The following NXPE4 variants were observed in gnomAD, a reference collection of about 807,000 sequenced individuals.
NXPE4 encodes the protein NXPE family member 4.
A neutral mutation model predicts 33.3 loss-of-function variants in NXPE4; 42 were observed. That is an observed-to-expected ratio of 1.26 (90% CI 0.98 to 1.63). The LOEUF (loss-of-function observed/expected upper bound fraction) is 1.63, where lower values mean the gene tolerates loss of function less well. Ranked by LOEUF, NXPE4 falls within the 40% of genes most tolerant of loss-of-function variation. NXPE4 has a pLI of 0.00. For missense variants in NXPE4, 709 were observed against 647.6 expected, an observed-to-expected ratio of 1.09 and a Z score of -1.03; for synonymous variants, 253 against 234.9, an observed-to-expected ratio of 1.08 and a Z score of -0.71.
the NXPE4 span, among the ~76,000 whole-genome samples, chr11:114,656,144 CAG>C: frequency 6.6e-6 from 1 of 152,022 alleles, no homozygotes. Flanking sequence ...AAAAGGCAAG[CAG>C]AGAGCCAAAT....
intron 2 of NXPE4, among the ~76,000 whole-genome samples, chr11:114,594,033 G>A (rs1419335718): frequency 4.6e-5 from 7 of 152,098 alleles, no homozygotes. Context: ...GGGAAGGGTG[G>A]TGGGGGCATG....
At chr11:114,657,006 A>G in the NXPE4 span, among the ~76,000 whole-genome samples, 1 of 152,164 alleles carries the variant, frequency 6.6e-6, no homozygotes, top group African/African-American at 2.4e-5. Context: ...AGGCAGGAGA[A>G]TGGCATGAAC....
chr11:114,636,450 GTC>G, the NXPE4 span, among the ~76,000 whole-genome samples: 1 of 151,918 alleles, frequency 6.6e-6, no homozygotes, highest in Non-Finnish European at 1.5e-5. Context: ...GGTTTTTTGT[GTC>G]TCTATTTCCT....
the NXPE4 span, among the ~76,000 whole-genome samples, chr11:114,623,848 T>G: frequency 6.6e-6 from 1 of 152,098 alleles, no homozygotes; most frequent in African/African-American, 2.4e-5. Flanking sequence ...GGATAATAAG[T>G]GTTGCCTCGT....
At chr11:114,609,231 G>T in the NXPE4 span, among the ~76,000 whole-genome samples, 2 of 151,720 alleles carry the variant, frequency 1.3e-5, no homozygotes, top group African/African-American at 2.4e-5. Context: ...TTGCTTCGTG[G>T]GTAACCACTC....
chr11:114,587,344 C>T (rs1341629668), intron 2 of NXPE4, among the ~76,000 whole-genome samples: 1 of 152,172 alleles, frequency 6.6e-6, no homozygotes, highest in Non-Finnish European at 1.5e-5. Context: ...CGGAAGTTAA[C>T]CAGAGCCACT....
At chr11:114,629,207 G>A in the NXPE4 span, among the ~76,000 whole-genome samples, 5 of 152,048 alleles carry the variant, frequency 3.3e-5, no homozygotes, top group African/African-American at 1.2e-4. Context: ...AAGCCGGGCA[G>A]AGACACAACC....
the NXPE4 span, among the ~76,000 whole-genome samples, chr11:114,663,884 T>C: frequency 1.3e-5 from 2 of 152,024 alleles, no homozygotes; most frequent in Non-Finnish European, 2.9e-5. Flanking sequence ...GAAATAAAAA[T>C]AAAATCACAG....
chr11:114,638,353 T>A, the NXPE4 span, among the ~76,000 whole-genome samples: 14 of 152,054 alleles, frequency 9.2e-5, no homozygotes, highest in Admixed American at 9.2e-4. Context: ...GTTATTCTAG[T>A]TATCCATTCG....
At chr11:114,594,179 T>TA (rs981641617) in intron 2 of NXPE4, among the ~76,000 whole-genome samples, 4 of 152,076 alleles carry the variant, frequency 2.6e-5, no homozygotes, top group Non-Finnish European at 5.9e-5. Flanking sequence ...TAAAAGAGTA[T>TA]AATTGTCTTG....
At chr11:114,635,484 A>T in the NXPE4 span, among the ~76,000 whole-genome samples, 4 of 151,990 alleles carry the variant, frequency 2.6e-5, no homozygotes, top group Non-Finnish European at 5.9e-5. Context: ...TGCCCTGGCC[A>T]GAACTTCCAG....
Position 114,571,121 on chromosome 11 carries a change from T to A in NXPE4, c.1452A>T (p.Ala484=), listed in dbSNP as rs778659093. ...TENIREMYND[A]ERFSDFHGYI... The stretch of plus-strand genomic sequence containing the variant: ...AACCATGAAAGTCACTAAATCTTTC[T>A]GCATCATTGTACATCTCCCTGATGT... Residue 484 remains alanine (A), a synonymous_variant, in exon 6 of 6, where the codon GCA becomes GCT. Transcript: ENST00000375478. 4 of 1,613,858 alleles carry A rather than the reference T, an allele frequency of 2.5e-6. No homozygotes were observed.
chr11:114,634,620 C>A, the NXPE4 span, among the ~76,000 whole-genome samples: 1 of 151,968 alleles, frequency 6.6e-6, no homozygotes, highest in Non-Finnish European at 1.5e-5. Flanking sequence ...GTCTTTAATA[C>A]ATTTTGAATT....
chr11:114,611,128 C>T, the NXPE4 span, among the ~76,000 whole-genome samples: 1 of 148,394 alleles, frequency 6.7e-6, no homozygotes, highest in East Asian at 2.0e-4. Context: ...TTAGTATTGC[C>T]TCATGGGTCC....
Position 114,583,037 on chromosome 11 carries a change from A to G in NXPE4, c.97-16T>C. 1.3e-6 allele frequency: 2 copies of G among 1,593,230 alleles called. No individual in the cohort carries two copies. The highest frequency in any genetic ancestry group is 1.7e-6 in the Non-Finnish European group (2 of 1,171,168). ...CAGACCAAACCTGAAATGACAGCAA[A>G]TGTGACATGAGATGGATAAATTTAG... On this transcript the variant is annotated splice_polypyrimidine_tract_variant and intron_variant, in intron 2 of 5. Coordinates refer to ENST00000375478, the MANE Select transcript of NXPE4 (RefSeq NM_001077639.2).
chr11:114,605,883 G>A, the NXPE4 span, among the ~76,000 whole-genome samples: 8 of 149,530 alleles, frequency 5.4e-5, 1 homozygote, highest in South Asian at 2.1e-4. Flanking sequence ...GTGTTGCCTC[G>A]TGCATAACCA....
the NXPE4 span, among the ~76,000 whole-genome samples, chr11:114,675,073 GA>G: frequency 1.3e-5 from 2 of 151,488 alleles, no homozygotes; most frequent in African/African-American, 4.8e-5. Context: ...AATAGATAAA[GA>G]AAAAGGATTT....
At chr11:114,650,751 G>A in the NXPE4 span, among the ~76,000 whole-genome samples, 18 of 152,122 alleles carry the variant, frequency 1.2e-4, no homozygotes, top group African/African-American at 3.1e-4. Context: ...GGCAGAGTGC[G>A]GTTGCCACAA....
rs763127132 is a variant in NXPE4, at chr11:114,586,305, C to T, written c.97-3284G>A. Among the ~76,000 whole-genome samples, 5 of 152,300 alleles carry T rather than the reference C, an allele frequency of 3.3e-5. No homozygotes were observed. The East Asian group carries it at 5.8e-4, about 18-fold the overall frequency. On this transcript the variant is annotated intron_variant, in intron 2 of 5. Coordinates refer to ENST00000375478, the MANE Select transcript of NXPE4 (RefSeq NM_001077639.2). ...TTCCTTGGAGAGAGACAATGAACCTCGGGTATTATCCCAGATGAAAAATGC... is the reference window on the plus strand; with the variant it reads ...TTCCTTGGAGAGAGACAATGAACCTTGGGTATTATCCCAGATGAAAAATGC...
Sources: allele counts gnomAD v4.1 joint callset (sites outside exome capture counted in the v4.1 genomes callset), GRCh38; gene constraint gnomAD v4.1.1; transcripts MANE v1.5; gene names NCBI Gene and HGNC (gene_info 2026-07-23, HGNC 2026-07-21).